Variants in XKR5 observed in about 807,000 individuals in gnomAD.
The protein encoded by XKR5 is XK related 5.
A neutral mutation model predicts 40.8 loss-of-function variants in XKR5; 46 were observed. That is an observed-to-expected ratio of 1.13 (90% CI 0.89 to 1.44). The LOEUF is 1.44. XKR5 is among the 40% of genes most tolerant of loss of function. The pLI is 0.00. For missense variants in XKR5, 1,169 were observed against 844.7 expected (o/e 1.38, Z -4.76); for synonymous variants, 466 against 356.1 (o/e 1.31, Z -3.48).
At chr8:6,833,155 G>A (rs896833794) in intron 1 of XKR5, among the ~76,000 whole-genome samples, 1 of 152,136 alleles carries the variant, frequency 6.6e-6, no homozygotes, top group Non-Finnish European at 1.5e-5. Flanking sequence ...CCATACCCCC[G>A]CAGAAGGCAA....
chr8:6,811,545 G>T lies in XKR5; in HGVS notation c.1714C>A (p.Leu572Met), dbSNP rs542155452. 1.3e-5 allele frequency: 20 copies of T among 1,535,444 alleles called. No homozygotes were observed. Among genetic ancestry groups the T allele is most frequent in the Non-Finnish European group, 1.7e-5 (19 of 1,145,886 alleles). The part of the protein sequence containing the change: ...TLQTAHSGRR[L>M]GKSSPAQPAS... ...GGCTGGGCAGGGCTGCTCTTTCCCAGCCTCCTTCCAGAGTGGGCCGTTTGC... is the reference window on the plus strand; with the variant it reads ...GGCTGGGCAGGGCTGCTCTTTCCCATCCTCCTTCCAGAGTGGGCCGTTTGC... Residue 572 changes from leucine (L) to methionine (M), a missense_variant, in exon 7 of 7, where the codon CTG becomes ATG. By Grantham distance (15) the Leu-to-Met change is conservative (BLOSUM62 2). Coordinates refer to ENST00000618742, the MANE Select transcript of XKR5 (RefSeq NM_207411.5).
rs557073854 is a variant in XKR5, at chr8:6,826,374, G to A, written c.243-1025C>T. Reference sequence around the variant, plus strand: ...ATGTAGTGTGGGTGTATGAACAGGGGATAGGAACATCAGGAGGAAACAGAG... The same window carrying A: ...ATGTAGTGTGGGTGTATGAACAGGGAATAGGAACATCAGGAGGAAACAGAG... On this transcript the variant is annotated intron_variant, in intron 2 of 6. Transcript: ENST00000618742. 9.2e-5 allele frequency among the ~76,000 whole-genome samples: 14 copies of A among 152,174 alleles called. No individual in the cohort carries two copies. The South Asian group carries it at 2.1e-3, about 23-fold the overall frequency.
intron 2 of XKR5, among the ~76,000 whole-genome samples, chr8:6,830,582 T>C (rs1804719461): frequency 6.6e-6 from 1 of 152,238 alleles, no homozygotes; most frequent in Non-Finnish European, 1.5e-5. Flanking sequence ...TCTATCTTGT[T>C]TTCTAACATT....
intron 4 of XKR5, among the ~76,000 whole-genome samples, chr8:6,822,929 T>A (rs1804305085): frequency 6.6e-6 from 1 of 152,252 alleles, no homozygotes; most frequent in Non-Finnish European, 1.5e-5. Context: ...ACATATAGAC[T>A]GTATATTTTT....
chr8:6,829,826 C>CTT lies in XKR5; in HGVS notation c.242+2889_242+2890dup, dbSNP rs140715953. Among the ~76,000 whole-genome samples, 34 of 63,564 alleles carry CTT rather than the reference C, an allele frequency of 5.3e-4. 4 individuals are homozygous for CTT. The highest frequency in any genetic ancestry group is 1.7e-3 in the African/African-American group (24 of 14,432). The allele number at this position is 63,564 out of a possible 152,430, so 41.7% of individuals were successfully genotyped here. A position where few individuals can be genotyped will look rare whatever the true frequency, so the allele number is the denominator to read the frequency against. ...GCCGTCACGCCAGGCCAAATTCTTG[C>CTT]TTTTTTTTTTTTTTTTTTTTTTTTT... On this transcript the variant is annotated intron_variant, in intron 2 of 6. Coordinates refer to ENST00000618742, the MANE Select transcript of XKR5 (RefSeq NM_207411.5).
chr8:6,835,159 G>A (rs1303242566), intron 1 of XKR5, among the ~76,000 whole-genome samples: 5 of 149,546 alleles, frequency 3.3e-5, no homozygotes, highest in Non-Finnish European at 7.4e-5. Flanking sequence ...GTGCATGGGC[G>A]GGAGGAAGTC....
Position 6,812,119 on chromosome 8 carries a change from A to T in XKR5, c.1140T>A (p.Pro380=), listed in dbSNP as rs1356135197. 1 of 1,548,006 alleles carries T rather than the reference A, an allele frequency of 6.5e-7. No homozygotes were observed. Among genetic ancestry groups the T allele is most frequent in the African/African-American group, 1.4e-5 (1 of 73,068 alleles). ...GCCCAGCCTCTGGGGGGACCTGCTCAGGGGTAGGGGGCTTCCCTAAAATGG... is the reference window on the plus strand; with the variant it reads ...GCCCAGCCTCTGGGGGGACCTGCTCTGGGGTAGGGGGCTTCCCTAAAATGG... ...EPTILGKPPT[P]EQVPPEAGLG... is the part of the protein sequence containing the mutation. Residue 380 remains proline (P), a synonymous_variant, in exon 7 of 7, where the codon CCT becomes CCA. Coordinates refer to ENST00000618742, the MANE Select transcript of XKR5 (RefSeq NM_207411.5).
Position 6,811,833 on chromosome 8 carries a change from T to G in XKR5, c.1426A>C (p.Lys476Gln), listed in dbSNP as rs761193755. The change falls in exon 7 of 7, where the codon AAA (lysine) becomes CAA (glutamine). Residue 476 changes from lysine (K) to glutamine (Q), a missense_variant. Physicochemically the swap from Lys to Gln is moderately conservative, Grantham distance 53. Coordinates refer to ENST00000618742, the MANE Select transcript of XKR5 (RefSeq NM_207411.5). ...GTTTCCAATGGGTCGGCCTCTGCTTTAGGGACACCTTCAAACGCAGAGCTG... is the reference window on the plus strand; with the variant it reads ...GTTTCCAATGGGTCGGCCTCTGCTTGAGGGACACCTTCAAACGCAGAGCTG... ...ENSSAFEGVP[K>Q]AEADPLETSS... 1 of 1,537,672 alleles carries G rather than the reference T, an allele frequency of 6.5e-7. No individual in the cohort carries two copies. Among genetic ancestry groups the G allele is most frequent in the Non-Finnish European group, 8.7e-7 (1 of 1,146,998 alleles).
chr8:6,817,370 A>C (rs1804010893), intron 5 of XKR5, among the ~76,000 whole-genome samples: 1 of 152,100 alleles, frequency 6.6e-6, no homozygotes, highest in African/African-American at 2.4e-5. Flanking sequence ...TGCTCTTCCC[A>C]AACGACATTC....
intron 6 of XKR5, among the ~76,000 whole-genome samples, chr8:6,812,584 G>T (rs1190197733): frequency 6.6e-6 from 1 of 152,206 alleles, no homozygotes; most frequent in Admixed American, 6.5e-5. Flanking sequence ...TTGATTCTAT[G>T]CTTTTGTCTT....
chr8:6,833,398 G>C (rs1203057724), intron 1 of XKR5, among the ~76,000 whole-genome samples: 4 of 152,224 alleles, frequency 2.6e-5, no homozygotes, highest in Admixed American at 1.3e-4. Flanking sequence ...GGACCTGTGA[G>C]TACAGCAAAC....
chr8:6,816,960 T>G (rs986693398), intron 5 of XKR5, among the ~76,000 whole-genome samples: 1 of 152,322 alleles, frequency 6.6e-6, no homozygotes, highest in African/African-American at 2.4e-5. Flanking sequence ...TCCCTCTGTG[T>G]GCAATGGGCA....
chr8:6,825,963 G>C (rs146174967), intron 2 of XKR5, among the ~76,000 whole-genome samples: 122 of 152,254 alleles, frequency 8.0e-4, no homozygotes, highest in African/African-American at 2.9e-3. Flanking sequence ...AAGTAGATCA[G>C]GGCCCTGAAC....
chr8:6,830,299 G>T (rs1804703860), intron 2 of XKR5, among the ~76,000 whole-genome samples: 1 of 152,154 alleles, frequency 6.6e-6, no homozygotes, highest in African/African-American at 2.4e-5. Flanking sequence ...TCCTTTTCTA[G>T]AATTGCAATT....
chr8:6,833,537 T>A (rs1206824122), intron 1 of XKR5, among the ~76,000 whole-genome samples: 1 of 152,156 alleles, frequency 6.6e-6, no homozygotes, highest in Non-Finnish European at 1.5e-5. Flanking sequence ...TCAAGACCAG[T>A]CTGGGCCTCT....
chr8:6,817,911 T>A (rs1804036139), intron 5 of XKR5, among the ~76,000 whole-genome samples: 1 of 152,158 alleles, frequency 6.6e-6, no homozygotes, highest in Admixed American at 6.5e-5. Context: ...CAAGCGCCAA[T>A]GAACAAACAC....
At chr8:6,817,150 C>G (rs1403991949) in intron 5 of XKR5, among the ~76,000 whole-genome samples, 2 of 152,060 alleles carry the variant, frequency 1.3e-5, no homozygotes, top group Admixed American at 1.3e-4. Context: ...TCTAGGCAAC[C>G]CCTATCTTCA....
At chr8:6,815,960 A>G in intron 5 of XKR5, 42 bp from the exon 6 acceptor site, 2 of 1,469,038 alleles carry the variant, frequency 1.4e-6, no homozygotes, top group Middle Eastern at 1.7e-4. Flanking sequence ...CGTCAGGTGC[A>G]CACTGCCTAG....
intron 2 of XKR5, among the ~76,000 whole-genome samples, chr8:6,829,588 T>C (rs1261809543): frequency 6.6e-6 from 1 of 152,214 alleles, no homozygotes; most frequent in East Asian, 1.9e-4. Flanking sequence ...TGATCTCAGC[T>C]CACTGTAACC....
Sources: allele counts gnomAD v4.1 joint callset (sites outside exome capture counted in the v4.1 genomes callset), GRCh38; gene constraint gnomAD v4.1.1; transcripts MANE v1.5; gene names NCBI Gene and HGNC (gene_info 2026-07-23, HGNC 2026-07-21).